Variants in CNTNAP5 observed in about 807,000 individuals in gnomAD.
CNTNAP5 encodes the protein contactin-associated protein-like 5.
CNTNAP5 carries 72 observed loss-of-function variants against 150.2 expected under a neutral mutation model. That is an observed-to-expected ratio of 0.48 (90% confidence interval 0.40 to 0.58). The LOEUF is 0.58. CNTNAP5 is among the 20% of genes least tolerant of loss of function. CNTNAP5 has a pLI of 0.00. For synonymous variants in CNTNAP5, 672 were observed against 619.8 expected, an observed-to-expected ratio of 1.08 and a Z score of -1.25; for missense variants, 1,636 against 1,626.2, an observed-to-expected ratio of 1.01 and a Z score of -0.10.
chr2:124,487,529 C>T (rs1693914193), intron 7 of CNTNAP5, among the ~76,000 whole-genome samples: 1 of 152,032 alleles, frequency 6.6e-6, no homozygotes, highest in South Asian at 2.1e-4. Context: ...AAAATCTGAT[C>T]TTTGTTACAG....
chr2:124,435,756 C>A (rs989805974), intron 5 of CNTNAP5, among the ~76,000 whole-genome samples: 1 of 152,008 alleles, frequency 6.6e-6, no homozygotes, highest in Non-Finnish European at 1.5e-5. Flanking sequence ...TATTAGTGCC[C>A]CAAAACTAAA....
At chr2:124,330,875 A>G (rs1257283348) in intron 3 of CNTNAP5, among the ~76,000 whole-genome samples, 1 of 152,044 alleles carries the variant, frequency 6.6e-6, no homozygotes, top group African/African-American at 2.4e-5. Context: ...AAAACAAAAC[A>G]TAAAAAGAAT....
chr2:124,785,657 G>C (rs988130852), intron 17 of CNTNAP5, among the ~76,000 whole-genome samples: 5 of 152,206 alleles, frequency 3.3e-5, no homozygotes, highest in African/African-American at 1.2e-4. Context: ...GTGCACTGAA[G>C]TCAGTGCAGG....
At chr2:124,764,628 A>G (rs750634112) in intron 16 of CNTNAP5, among the ~76,000 whole-genome samples, 2 of 152,182 alleles carry the variant, frequency 1.3e-5, no homozygotes, top group Non-Finnish European at 2.9e-5. Flanking sequence ...TTCCCCATGG[A>G]CAGTGGCGTA....
intron 19 of CNTNAP5, among the ~76,000 whole-genome samples, chr2:124,843,044 T>A (rs965156367): frequency 9.9e-5 from 15 of 152,174 alleles, no homozygotes; most frequent in Middle Eastern, 3.4e-3. Context: ...TAACATTTTA[T>A]TCCTCACTAT....
At chr2:124,749,111 C>T (rs1680666904) in intron 14 of CNTNAP5, among the ~76,000 whole-genome samples, 2 of 152,156 alleles carry the variant, frequency 1.3e-5, no homozygotes, top group East Asian at 1.9e-4. Flanking sequence ...CGCAAGATGG[C>T]ACCTATGAGC....
At chr2:124,824,986 C>T (rs557138304) in intron 19 of CNTNAP5, among the ~76,000 whole-genome samples, 43 of 152,214 alleles carry the variant, frequency 2.8e-4, no homozygotes, top group African/African-American at 7.9e-4. Flanking sequence ...CTCCTAAAAA[C>T]GGTAGACTTC....
rs1374060339 is a variant in CNTNAP5, at chr2:124,585,668, G to C, written c.1756+22345G>C. Among the ~76,000 whole-genome samples, 3 of 89,652 alleles carry C rather than the reference G, an allele frequency of 3.3e-5. No individual in the cohort carries two copies. The East Asian group carries it at 9.3e-4, about 28-fold the overall frequency. The allele number at this position is 89,652 out of a possible 152,430, so 58.8% of individuals were successfully genotyped here. ...GACAGTGAGTCAGGGAGAGCTTGAAGCTTTTTTTTTTTTTTTTTTTTTTTT... is the reference window on the plus strand; with the variant it reads ...GACAGTGAGTCAGGGAGAGCTTGAACCTTTTTTTTTTTTTTTTTTTTTTTT... On this transcript the variant is annotated intron_variant, in intron 11 of 23. Coordinates refer to ENST00000682447, the MANE Select transcript of CNTNAP5 (RefSeq NM_001367498.1).
At chr2:124,519,555 G>C (rs903715960) in intron 8 of CNTNAP5, among the ~76,000 whole-genome samples, 7 of 152,190 alleles carry the variant, frequency 4.6e-5, no homozygotes, top group African/African-American at 1.7e-4. Context: ...CCTCTGAGCA[G>C]CCATGGGGCC....
chr2:124,663,241 C>G (rs1156646384), intron 13 of CNTNAP5, among the ~76,000 whole-genome samples: 1 of 152,186 alleles, frequency 6.6e-6, no homozygotes, highest in Non-Finnish European at 1.5e-5. Flanking sequence ...TTAAATCAGC[C>G]ATGTCGCCAG....
At chr2:124,041,406 C>T (rs1681369256) in intron 1 of CNTNAP5, among the ~76,000 whole-genome samples, 1 of 152,140 alleles carries the variant, frequency 6.6e-6, no homozygotes, top group South Asian at 2.1e-4. Context: ...CCATCCACTG[C>T]TTTTATGTGC....
At chr2:124,581,871 G>T (rs114750222) in intron 11 of CNTNAP5, among the ~76,000 whole-genome samples, 288 of 152,234 alleles carry the variant, frequency 1.9e-3, no homozygotes, top group African/African-American at 6.5e-3. Context: ...CTCCAAAAGC[G>T]GCCGTCATAT....
intron 3 of CNTNAP5, among the ~76,000 whole-genome samples, chr2:124,384,555 G>A (rs1327251674): frequency 6.6e-6 from 1 of 152,058 alleles, no homozygotes; most frequent in South Asian, 2.1e-4. Context: ...TTTGGAAAAG[G>A]CACATTACCT....
rs1038044784 is a variant in CNTNAP5 at position 124,785,637 on chromosome 2, G to A, written c.2753-4265G>A. Among the ~76,000 whole-genome samples the A allele has an allele frequency of 7.9e-5, 12 of 152,118 alleles. No homozygotes were observed. The South Asian group carries it at 8.3e-4, about 11-fold the overall frequency. On this transcript the variant is annotated intron_variant, in intron 17 of 23. Transcript: ENST00000682447. ...GTGGCATGAGAGCCACAAGTGGTTC[G>A]GAATGCTTGGTGCACTGAAGTCAGT...
intron 11 of CNTNAP5, among the ~76,000 whole-genome samples, chr2:124,591,725 T>C (rs1476766129): frequency 1.3e-5 from 2 of 152,174 alleles, no homozygotes; most frequent in Non-Finnish European, 2.9e-5. Context: ...GGAACATTTA[T>C]GGTGTCTTCT....
chr2:124,796,080 A>G (rs894869675), intron 18 of CNTNAP5, among the ~76,000 whole-genome samples: 3 of 152,190 alleles, frequency 2.0e-5, no homozygotes, highest in South Asian at 4.1e-4. Context: ...AAAGAATAAT[A>G]GAGTCCAGCT....
intron 13 of CNTNAP5, among the ~76,000 whole-genome samples, chr2:124,664,821 G>C (rs548812538): frequency 6.6e-6 from 1 of 152,304 alleles, no homozygotes; most frequent in African/African-American, 2.4e-5. Context: ...CGAGTAGCTG[G>C]GATTACAGGC....
intron 1 of CNTNAP5, among the ~76,000 whole-genome samples, chr2:124,196,871 T>A (rs748211553): frequency 2.0e-5 from 3 of 152,204 alleles, no homozygotes; most frequent in Non-Finnish European, 4.4e-5. Flanking sequence ...ATTACATAGA[T>A]GCTGCTTAGC....
intron 19 of CNTNAP5, among the ~76,000 whole-genome samples, chr2:124,801,603 T>G (rs1049490714): frequency 1.3e-5 from 2 of 152,228 alleles, no homozygotes; most frequent in Non-Finnish European, 2.9e-5. Flanking sequence ...TTTGTGATTC[T>G]TTATTCCCTT....
Sources: allele counts gnomAD v4.1 joint callset (sites outside exome capture counted in the v4.1 genomes callset), GRCh38; gene constraint gnomAD v4.1.1; transcripts MANE v1.5; gene names NCBI Gene and HGNC (gene_info 2026-07-23, HGNC 2026-07-21).